The following COX6C variants were observed in gnomAD, a reference collection of about 807,000 sequenced individuals.
The protein encoded by COX6C is cytochrome c oxidase polypeptide VIc.
In COX6C, 3 loss-of-function variants were observed where a neutral mutation model predicts 6.9. The observed-to-expected ratio is 0.43, with a 90% CI of 0.20 to 1.12. The LOEUF is 1.12. COX6C is among the 50% of genes most tolerant of loss of function. COX6C has a pLI of 0.27. For synonymous variants in COX6C, 32 were observed against 32.0 expected, an observed-to-expected ratio of 1.00 and a Z score of 0.00; for missense variants, 101 against 97.3, an observed-to-expected ratio of 1.04 and a Z score of -0.16.
chr8:99,880,111 C>G (rs1369039280), intron 3 of COX6C, among the ~76,000 whole-genome samples: 1 of 152,168 alleles, frequency 6.6e-6, no homozygotes, highest in Non-Finnish European at 1.5e-5. Context: ...TGAGAGGACA[C>G]CAAGCCTTTA....
At chr8:99,889,537 C>CA (rs1160618164) in intron 2 of COX6C, among the ~76,000 whole-genome samples, 2 of 151,974 alleles carry the variant, frequency 1.3e-5, no homozygotes, top group African/African-American at 4.8e-5. Flanking sequence ...AGGTGCCCGA[C>CA]ACCACGCCCG....
chr8:99,879,513 CA>C (rs1320572737), intron 3 of COX6C, among the ~76,000 whole-genome samples: 1 of 152,078 alleles, frequency 6.6e-6, no homozygotes, highest in African/African-American at 2.4e-5. Flanking sequence ...CAAACCCCCA[CA>C]AAAAATAATG....
In COX6C at chr8:99,887,591, CCTT is replaced by C; in HGVS notation, c.139_141del (p.Lys47del). ...TAGTTTCTGTAGAAATCTGCGTATGCCTTCTTTCTTTGATCAGCCACACGAAAC... is the reference window on the plus strand; with the variant it reads ...TAGTTTCTGTAGAAATCTGCGTATGCCTTTCTTTGATCAGCCACACGAAAC... On this transcript the variant is annotated inframe_deletion, in exon 3 of 4. Coordinates refer to ENST00000520468, the MANE Select transcript of COX6C (RefSeq NM_004374.4). 6.2e-7 allele frequency: 1 copy of C among 1,604,606 alleles called. No homozygotes were observed. The highest frequency in any genetic ancestry group is 8.5e-7 in the Non-Finnish European group (1 of 1,177,526).
At chr8:99,879,907 G>C (rs1464926216) in intron 3 of COX6C, among the ~76,000 whole-genome samples, 3 of 152,078 alleles carry the variant, frequency 2.0e-5, no homozygotes, top group Admixed American at 2.0e-4. Flanking sequence ...GAGCTGCAGG[G>C]GAACACAGAC....
At position 99,877,979 on chromosome 8, in the gene COX6C, T is replaced by C. The variant is rs186272331; in HGVS notation, c.*302A>G. 6.6e-6 allele frequency: 1 copy of C among 152,312 alleles called. No individual in the cohort carries two copies. Among genetic ancestry groups the C allele is most frequent in the East Asian group, 1.9e-4 (1 of 5,176 alleles). 9.4% of individuals were successfully genotyped at this position (152,312 alleles called of 1,614,324 possible). A position where few individuals can be genotyped will look rare whatever the true frequency, so the allele number is the denominator to read the frequency against. Reference sequence around the variant, plus strand: ...AATCCATAGCCCAAGACCAAGTAACTGCAATGAAACGGACAAACTATCACA... The same window carrying C: ...AATCCATAGCCCAAGACCAAGTAACCGCAATGAAACGGACAAACTATCACA... On this transcript the variant is annotated 3_prime_UTR_variant, in exon 4 of 4. Transcript: ENST00000520468.
At chr8:99,888,815 T>C (rs1171571795) in intron 2 of COX6C, among the ~76,000 whole-genome samples, 2 of 152,162 alleles carry the variant, frequency 1.3e-5, no homozygotes, top group Non-Finnish European at 2.9e-5. Flanking sequence ...TCAGGACTGA[T>C]TCTTTTTGAG....
chr8:99,892,648 A>C (rs1329485434), intron 1 of COX6C, among the ~76,000 whole-genome samples: 1 of 152,150 alleles, frequency 6.6e-6, no homozygotes, highest in Non-Finnish European at 1.5e-5. Flanking sequence ...ACAAAGCCTA[A>C]GCTGTCTCTT....
At chr8:99,882,246 C>A (rs1224354816) in intron 3 of COX6C, among the ~76,000 whole-genome samples, 2 of 152,134 alleles carry the variant, frequency 1.3e-5, no homozygotes, top group East Asian at 3.9e-4. Context: ...CTGGACTTAA[C>A]AAAACACTCC....
intron 3 of COX6C, among the ~76,000 whole-genome samples, chr8:99,880,980 G>T (rs933242143): frequency 6.6e-6 from 1 of 152,172 alleles, no homozygotes; most frequent in Admixed American, 6.5e-5. Context: ...AATCCTTCAA[G>T]TTGAAACAAA....
intron 3 of COX6C, among the ~76,000 whole-genome samples, chr8:99,883,423 G>GTA (rs1266613041): frequency 6.8e-6 from 1 of 146,598 alleles, no homozygotes; most frequent in African/African-American, 2.6e-5. Context: ...GTGTGTGTGT[G>GTA]TATATATGTA....
chr8:99,892,191 T>C lies in COX6C; in HGVS notation c.-31-139A>G, dbSNP rs1479667080. The C allele has an allele frequency of 1.2e-5, 7 of 586,948 alleles. No homozygotes were observed. In the Admixed American group the frequency reaches 1.6e-4, roughly 14 times the overall value. 36.4% of individuals were successfully genotyped at this position (586,948 alleles called of 1,614,324 possible). A position where few individuals can be genotyped will look rare whatever the true frequency, so the allele number is the denominator to read the frequency against. ...AGCAGTTACAAATGAATGTTTTTCTTTTTTGGCAGAAACAGGGTCTAGCTA... is the reference window on the plus strand; with the variant it reads ...AGCAGTTACAAATGAATGTTTTTCTCTTTTGGCAGAAACAGGGTCTAGCTA... On this transcript the variant is annotated intron_variant, in intron 1 of 3. Transcript: ENST00000520468.
intron 3 of COX6C, among the ~76,000 whole-genome samples, chr8:99,882,131 C>T (rs1476039020): frequency 6.6e-6 from 1 of 152,134 alleles, no homozygotes; most frequent in South Asian, 2.1e-4. Flanking sequence ...GACAGCTCTA[C>T]AATAGCAGTA....
At chr8:99,890,570 C>G (rs1185864096) in intron 2 of COX6C, among the ~76,000 whole-genome samples, 1 of 152,184 alleles carries the variant, frequency 6.6e-6, no homozygotes, top group East Asian at 1.9e-4. Flanking sequence ...AGGCACCCAA[C>G]AACAGGGTGC....
intron 2 of COX6C, among the ~76,000 whole-genome samples, chr8:99,888,550 G>T (rs911682807): frequency 3.3e-5 from 5 of 152,122 alleles, no homozygotes; most frequent in Admixed American, 6.5e-5. Flanking sequence ...CTCTAGCCTG[G>T]GTGACAGAGC....
At chr8:99,889,135 TACAA>T (rs938027323) in intron 2 of COX6C, among the ~76,000 whole-genome samples, 3 of 152,162 alleles carry the variant, frequency 2.0e-5, no homozygotes, top group African/African-American at 7.2e-5. Context: ...CCATCCCTTC[TACAA>T]ACATTTACTT....
intron 1 of COX6C, among the ~76,000 whole-genome samples, chr8:99,892,414 A>G (rs920162637): frequency 1.3e-5 from 2 of 152,194 alleles, no homozygotes; most frequent in Non-Finnish European, 2.9e-5. Flanking sequence ...AAATTCAGGA[A>G]TAAGATTTGG....
chr8:99,891,712 G>T (rs1818035612), intron 2 of COX6C, among the ~76,000 whole-genome samples, 196 bp downstream of exon 2: 1 of 152,180 alleles, frequency 6.6e-6, no homozygotes, highest in South Asian at 2.1e-4. Context: ...CCAGTCTGTG[G>T]TTCTTTGTTA....
At chr8:99,888,017 G>C (rs1355515898) in intron 2 of COX6C, among the ~76,000 whole-genome samples, 2 of 148,904 alleles carry the variant, frequency 1.3e-5, no homozygotes, top group Non-Finnish European at 3.0e-5. Flanking sequence ...CGTGAACCCG[G>C]GAGACGGAGG....
At chr8:99,883,306 T>G (rs1817892238) in intron 3 of COX6C, among the ~76,000 whole-genome samples, 1 of 152,028 alleles carries the variant, frequency 6.6e-6, no homozygotes, top group South Asian at 2.1e-4. Context: ...CTTAAACTCC[T>G]GTGCTCAAGT....
Sources: allele counts gnomAD v4.1 joint callset (sites outside exome capture counted in the v4.1 genomes callset), GRCh38; gene constraint gnomAD v4.1.1; transcripts MANE v1.5; gene names NCBI Gene and HGNC (gene_info 2026-07-23, HGNC 2026-07-21).